Variants in LDLRAD3 observed in about 807,000 individuals in gnomAD.
LDLRAD3 encodes the protein low density lipoprotein receptor class A domain containing 3.
A neutral mutation model predicts 29.4 loss-of-function variants in LDLRAD3; 20 were observed. The observed-to-expected ratio is 0.68, with a 90% CI of 0.48 to 0.99. The LOEUF is 0.99. Ranked by LOEUF, LDLRAD3 falls within the 50% of genes least tolerant of loss-of-function variation. The pLI is 0.00. For missense variants in LDLRAD3, 420 were observed against 454.3 expected (o/e 0.92, Z 0.69); for synonymous variants, 157 against 192.7 (o/e 0.81, Z 1.53).
chr11:36,154,234 T>A (rs1854316083), intron 4 of LDLRAD3, among the ~76,000 whole-genome samples: 1 of 152,170 alleles, frequency 6.6e-6, no homozygotes, highest in Admixed American at 6.5e-5. Context: ...AAGTCACACC[T>A]TTAAACATCT....
chr11:35,947,622 C>T (rs570253035), intron 1 of LDLRAD3, among the ~76,000 whole-genome samples: 1 of 152,298 alleles, frequency 6.6e-6, no homozygotes, highest in South Asian at 2.1e-4. Flanking sequence ...TTGCTCATTA[C>T]TTTAAGCACA....
At chr11:36,036,753 G>A (rs1023528975) in intron 2 of LDLRAD3, among the ~76,000 whole-genome samples, 2 of 152,112 alleles carry the variant, frequency 1.3e-5, no homozygotes, top group East Asian at 1.9e-4. Flanking sequence ...ACATAGTAAC[G>A]TGCTTTCCCA....
intron 4 of LDLRAD3, among the ~76,000 whole-genome samples, chr11:36,201,497 G>A (rs889966135): frequency 6.6e-6 from 1 of 152,162 alleles, no homozygotes; most frequent in Admixed American, 6.5e-5. Flanking sequence ...TTTCAATTAA[G>A]TTTTGAAAGG....
At chr11:35,946,620 T>C (rs1335912051) in intron 1 of LDLRAD3, among the ~76,000 whole-genome samples, 1 of 152,226 alleles carries the variant, frequency 6.6e-6, no homozygotes, top group East Asian at 1.9e-4. Flanking sequence ...TAAGTGCGTA[T>C]GGCTTGAGAC....
At chr11:36,107,416 G>A (rs1427785400) in intron 4 of LDLRAD3, among the ~76,000 whole-genome samples, 3 of 151,994 alleles carry the variant, frequency 2.0e-5, no homozygotes, top group African/African-American at 2.4e-5. Context: ...GGCTGGTCTT[G>A]AACTCCTGAC....
intron 4 of LDLRAD3, among the ~76,000 whole-genome samples, chr11:36,104,701 T>A (rs1418246965): frequency 6.6e-6 from 1 of 152,174 alleles, no homozygotes; most frequent in African/African-American, 2.4e-5. Flanking sequence ...CTTTTCTAGA[T>A]GAAGAAACTG....
chr11:36,155,055 C>G (rs1238968808), intron 4 of LDLRAD3, among the ~76,000 whole-genome samples: 4 of 152,128 alleles, frequency 2.6e-5, no homozygotes, highest in Non-Finnish European at 5.9e-5. Flanking sequence ...GGCCTTTTAC[C>G]CCAGACCCAC....
chr11:36,058,280 A>G (rs748825305), intron 2 of LDLRAD3, among the ~76,000 whole-genome samples: 10 of 152,012 alleles, frequency 6.6e-5, no homozygotes, highest in Admixed American at 1.3e-4. Flanking sequence ...CAACACTGGA[A>G]TCTCACTGGA....
rs1855544100 is a variant in LDLRAD3 at position 36,229,339 on chromosome 11, A to G, written c.980A>G (p.Gln327Arg). ...CACAGCCCGGGGCAGCCTGGCCCCC[A>G]GGAGGGCACTGCTGAGCCCAGGGAC... ...TSHSPGQPGP[Q>R]EGTAEPRDSE... Residue 327 changes from glutamine to arginine, a missense_variant, in exon 6 of 6, where the codon CAG (glutamine) becomes CGG (arginine). By Grantham distance (43) the Gln-to-Arg change is conservative. This residue lies in a region of LDLRAD3 where 140 missense variants were observed against 139.9 expected (regional missense o/e 1.00). Transcript: ENST00000315571. 6.2e-7 allele frequency: 1 copy of G among 1,613,968 alleles called. No homozygotes were observed. Among genetic ancestry groups the G allele is most frequent in the African/African-American group, 1.3e-5 (1 of 74,942 alleles).
In LDLRAD3 at chr11:36,081,442, A is replaced by G. The variant is rs553029723; in HGVS notation, c.194-211A>G. Among the ~76,000 whole-genome samples the G allele has an allele frequency of 7.2e-5, 11 of 152,314 alleles. 1 individual carries two copies. The South Asian group carries it at 2.3e-3, about 32-fold the overall frequency. On this transcript the variant is annotated intron_variant, in intron 2 of 5. Transcript: ENST00000315571. ...CAGGGGCTATGTTATCCTCTTGGGT[A>G]CTTTTGAAGCATTCCTCTCTAGACA...
intron 2 of LDLRAD3, among the ~76,000 whole-genome samples, chr11:36,042,894 C>G (rs1293955288): frequency 2.0e-5 from 3 of 152,200 alleles, no homozygotes; most frequent in Non-Finnish European, 2.9e-5. Context: ...ATTTCAGACT[C>G]CTGGCCATCA....
chr11:36,151,672 T>G (rs1172438210), intron 4 of LDLRAD3, among the ~76,000 whole-genome samples: 2 of 152,184 alleles, frequency 1.3e-5, no homozygotes, highest in African/African-American at 4.8e-5. Context: ...TCCATTGAGC[T>G]TGATAAATGT....
chr11:36,208,373 A>G (rs1196581840), intron 4 of LDLRAD3, among the ~76,000 whole-genome samples: 1 of 152,250 alleles, frequency 6.6e-6, no homozygotes, highest in Non-Finnish European at 1.5e-5. Context: ...GAGCAGGTTC[A>G]GCCATCTAGC....
At chr11:35,975,283 A>G (rs1300495437) in intron 1 of LDLRAD3, among the ~76,000 whole-genome samples, 2 of 152,124 alleles carry the variant, frequency 1.3e-5, no homozygotes, top group Non-Finnish European at 2.9e-5. Flanking sequence ...TGGCCACACC[A>G]CTGCTTCTTG....
intron 4 of LDLRAD3, among the ~76,000 whole-genome samples, chr11:36,189,525 T>TC (rs1590342200): frequency 6.9e-6 from 1 of 145,600 alleles, no homozygotes; most frequent in East Asian, 2.0e-4. Context: ...CCTTTAGCTA[T>TC]CACCCCCTGC....
chr11:36,108,875 A>G (rs1853569033), intron 4 of LDLRAD3, among the ~76,000 whole-genome samples: 2 of 152,096 alleles, frequency 1.3e-5, no homozygotes, highest in African/African-American at 4.8e-5. Context: ...AATTCCAAAT[A>G]TAATAGGAAA....
At chr11:36,023,406 A>G (rs942196090) in intron 1 of LDLRAD3, among the ~76,000 whole-genome samples, 4 of 152,164 alleles carry the variant, frequency 2.6e-5, no homozygotes, top group East Asian at 1.9e-4. Flanking sequence ...TCAGAGTTGT[A>G]AAGTGCAGAG....
At chr11:35,953,481 A>G (rs1162609686) in intron 1 of LDLRAD3, among the ~76,000 whole-genome samples, 1 of 152,204 alleles carries the variant, frequency 6.6e-6, no homozygotes, top group South Asian at 2.1e-4. Context: ...TCATTATTAT[A>G]AGACCGAGTG....
intron 2 of LDLRAD3, among the ~76,000 whole-genome samples, chr11:36,057,036 C>T (rs1852631783): frequency 6.6e-6 from 1 of 152,266 alleles, no homozygotes; most frequent in South Asian, 2.1e-4. Flanking sequence ...CTTTGAGCCA[C>T]AAGGGTCTAG....
Sources: gnomAD v4.1 joint callset for allele counts (sites outside exome capture counted in the v4.1 genomes callset) on GRCh38, gnomAD v4.1.1 for gene constraint, gnomAD v4.1.1 regional missense constraint, MANE v1.5 for transcripts, NCBI Gene and HGNC (gene_info 2026-07-23, HGNC 2026-07-21) for gene names.